The following CCDC33 variants were observed in gnomAD, a reference collection of about 807,000 sequenced individuals.
The protein encoded by CCDC33 is coiled-coil domain-containing protein 33.
Under a neutral mutation model 91.9 loss-of-function variants are expected in CCDC33, and 94 were observed. The observed-to-expected ratio is 1.02, with a 90% CI of 0.87 to 1.21. The LOEUF is 1.21. Among genes scored for constraint, CCDC33 ranks in the 50% most tolerant of loss-of-function variants. The pLI is 0.00. For synonymous variants in CCDC33, 396 were observed against 374.5 expected, an observed-to-expected ratio of 1.06 and a Z score of -0.66; for missense variants, 940 against 935.5, an observed-to-expected ratio of 1.00 and a Z score of -0.06.
chr15:74,246,680 G>A (rs2075540568), intron 2 of CCDC33, among the ~76,000 whole-genome samples: 2 of 152,202 alleles, frequency 1.3e-5, no homozygotes, highest in African/African-American at 4.8e-5. Context: ...TGTTGGTGCG[G>A]GTGTGGAGAA....
In CCDC33 at chr15:74,218,919, C is replaced by T. The variant is rs145488426; in HGVS notation, c.675+58C>T. The T allele has an allele frequency of 1.1e-3, 1,328 of 1,192,530 alleles. 8 individuals are homozygous for T. In the African/African-American group the frequency reaches 0.013, roughly 12 times the overall value. The allele number at this position is 1,192,530 out of a possible 1,614,324, so 73.9% of individuals were successfully genotyped here. ...GGGCTCACCGGGTACAAGACCCAGC[C>T]TCCGTGATAAGCCAGGCTACCCCCT... is the stretch of plus-strand genomic sequence containing the variant. On this transcript the variant is annotated intron_variant, in intron 2 of 2. Transcript: ENST00000635913. This position sits in a 1 kb window ranked among gnomAD's most constrained non-coding sequence, Gnocchi z 4.8.
rs1015054091 is a variant in CCDC33 at position 74,332,812 on chromosome 15, G to T, written c.1905G>T (p.Gln635His). 6.2e-7 allele frequency: 1 copy of T among 1,614,158 alleles called. No homozygotes were observed. Among genetic ancestry groups the T allele is most frequent in the African/African-American group, 1.3e-5 (1 of 75,052 alleles). Residue 635 changes from glutamine to histidine, a missense_variant, in exon 16 of 19, where the codon CAG (glutamine) becomes CAT (histidine). Gln to His is a conservative substitution (Grantham distance 24, BLOSUM62 0). Coordinates refer to ENST00000398814, the MANE Select transcript of CCDC33 (RefSeq NM_025055.5). ...RTELDKNRHQ[Q>H]APIILQQQAL... ...AGCTGGATAAGAACCGCCACCAGCA[G>T]GCCCCCATCATTCTGCAGCAACAGG...
intron 2 of CCDC33, among the ~76,000 whole-genome samples, chr15:74,224,014 A>G (rs939369273): frequency 6.6e-6 from 1 of 152,128 alleles, no homozygotes; most frequent in Non-Finnish European, 1.5e-5. Flanking sequence ...GAGCCCCGTT[A>G]AAAGCTACCT....
chr15:74,269,293 G>A (rs936392385), intron 5 of CCDC33, among the ~76,000 whole-genome samples: 1 of 151,718 alleles, frequency 6.6e-6, no homozygotes, highest in Non-Finnish European at 1.5e-5. Flanking sequence ...TGGCTGATCT[G>A]TTCCTATCCT....
chr15:74,234,750 C>T (rs1044506054), upstream of CCDC33, among the ~76,000 whole-genome samples: 3 of 152,162 alleles, frequency 2.0e-5, no homozygotes, highest in Non-Finnish European at 4.4e-5. Context: ...GTGAGAGCCC[C>T]GAGCCCCGGG....
chr15:74,257,905 A>C (rs1175556478), intron 2 of CCDC33, among the ~76,000 whole-genome samples: 1 of 152,178 alleles, frequency 6.6e-6, no homozygotes, highest in Non-Finnish European at 1.5e-5. Flanking sequence ...GGCCTAGCCT[A>C]TGGCCTGGGA....
intron 11 of CCDC33, chr15:74,311,483 C>G (rs952961495): frequency 3.9e-5 from 6 of 152,232 alleles, no homozygotes; most frequent in African/African-American, 1.4e-4. Context: ...CAGCTGAAAA[C>G]GACCAGGAAC....
intron 2 of CCDC33, among the ~76,000 whole-genome samples, chr15:74,254,982 A>G (rs1253120808): frequency 2.6e-5 from 4 of 152,042 alleles, no homozygotes; most frequent in Admixed American, 6.6e-5. Flanking sequence ...TCCTGATTGC[A>G]GGTGATCCAC....
chr15:74,309,432 CA>C (rs749000882), intron 11 of CCDC33, among the ~76,000 whole-genome samples: 2 of 152,168 alleles, frequency 1.3e-5, no homozygotes, highest in Non-Finnish European at 2.9e-5. Context: ...CTTGGTGGAC[CA>C]GGGGTGGTCT....
intron 10 of CCDC33, among the ~76,000 whole-genome samples, chr15:74,289,380 A>T (rs1464326614): frequency 6.6e-6 from 1 of 152,202 alleles, no homozygotes; most frequent in Non-Finnish European, 1.5e-5. Flanking sequence ...TACTGCTTCC[A>T]ATTGCTAGTC....
chr15:74,290,984 C>G (rs898628874), intron 10 of CCDC33, among the ~76,000 whole-genome samples: 1 of 152,190 alleles, frequency 6.6e-6, no homozygotes, highest in African/African-American at 2.4e-5. Flanking sequence ...ACTAAAATCC[C>G]CAACAGAATT....
chr15:74,280,139 T>A (rs1268053742), intron 8 of CCDC33, 47 bp downstream of exon 8: 1 of 1,608,992 alleles, frequency 6.2e-7, no homozygotes, highest in Admixed American at 1.7e-5. Context: ...CCTCAGGAGA[T>A]CTGTATTATG....
At chr15:74,305,755 T>C (rs2059882311) in intron 11 of CCDC33, among the ~76,000 whole-genome samples, 1 of 152,158 alleles carries the variant, frequency 6.6e-6, no homozygotes, top group African/African-American at 2.4e-5. Flanking sequence ...TCGACCAGGG[T>C]TTTGAGCATC....
chr15:74,208,173 T>C, intron 1 of CCDC33: 1 of 542,558 alleles, frequency 1.8e-6, no homozygotes, highest in Non-Finnish European at 2.5e-6. Flanking sequence ...AGGCTAGTAC[T>C]GACCTGGAGG....
At chr15:74,234,001 G>T (rs1252093387), upstream of CCDC33, among the ~76,000 whole-genome samples, 2 of 152,158 alleles carry the variant, frequency 1.3e-5, no homozygotes, top group Non-Finnish European at 2.9e-5. Context: ...CTCATTGCAT[G>T]GGTAGTTTGT....
At chr15:74,323,676 C>T (rs111257591) in intron 11 of CCDC33, among the ~76,000 whole-genome samples, 2,894 of 152,150 alleles carry the variant, frequency 0.019, 87 homozygotes, top group African/African-American at 0.067. Context: ...TACAGGCACC[C>T]GCCACCACGC....
chr15:74,207,074 G>T (rs1376620371), intron 1 of CCDC33, among the ~76,000 whole-genome samples: 1 of 152,250 alleles, frequency 6.6e-6, no homozygotes, highest in Non-Finnish European at 1.5e-5. Flanking sequence ...AAGGCCTTGG[G>T]ACAGGGCTTC....
intron 2 of CCDC33, among the ~76,000 whole-genome samples, chr15:74,248,567 G>T (rs1202396105): frequency 2.0e-5 from 3 of 152,300 alleles, no homozygotes; most frequent in Middle Eastern, 3.4e-3. Context: ...CGGGGCAGGG[G>T]AAGTAGTGAA....
intron 9 of CCDC33, 33 bp downstream of exon 9, chr15:74,280,834 G>C (rs780959356): frequency 2.1e-6 from 3 of 1,428,506 alleles, no homozygotes; most frequent in Non-Finnish European, 2.8e-6. Context: ...GGCCCCTAGC[G>C]TGCCCACCTG....
Sources: allele counts gnomAD v4.1 joint callset (sites outside exome capture counted in the v4.1 genomes callset), GRCh38; gene constraint gnomAD v4.1.1; non-coding constraint Gnocchi (gnomAD v3.1); transcripts MANE v1.5; gene names NCBI Gene and HGNC (gene_info 2026-07-23, HGNC 2026-07-21).